ELAPOR1: variants seen among roughly 807,000 people sequenced by gnomAD.
ELAPOR1 encodes endosome/lysosome-associated apoptosis and autophagy regulator 1.
Under a neutral mutation model 119.7 loss-of-function variants are expected in ELAPOR1, and 77 were observed. The observed-to-expected ratio is 0.64, with a 90% CI of 0.54 to 0.78. The LOEUF (loss-of-function observed/expected upper bound fraction) is 0.78, where lower values mean the gene tolerates loss of function less well. Ranked by LOEUF, ELAPOR1 falls within the 30% of genes least tolerant of loss-of-function variation. The pLI, the probability that ELAPOR1 is intolerant of heterozygous loss-of-function variation, is 0.00. For synonymous variants in ELAPOR1, 481 were observed against 487.2 expected (o/e 0.99, Z 0.17); for missense variants, 1,115 against 1,270.4 (o/e 0.88, Z 1.86).
intron 8 of ELAPOR1, chr1:109,186,591 T>C (rs911604171): frequency 3.9e-5 from 38 of 985,354 alleles, no homozygotes; most frequent in Admixed American, 6.1e-5. Flanking sequence ...AGAGAATGGC[T>C]GTGTCTTGTC....
At chr1:109,151,398 G>T (rs956439967) in intron 1 of ELAPOR1, among the ~76,000 whole-genome samples, 1 of 152,140 alleles carries the variant, frequency 6.6e-6, no homozygotes, top group Non-Finnish European at 1.5e-5. Context: ...AATGGGAAAC[G>T]TCCTCTTCCC....
intron 1 of ELAPOR1, among the ~76,000 whole-genome samples, chr1:109,133,248 C>G (rs1228301442): frequency 6.6e-6 from 1 of 151,682 alleles, no homozygotes; most frequent in African/African-American, 2.4e-5. Context: ...AAAAGTACAA[C>G]TTAGAATGAC....
intron 1 of ELAPOR1, among the ~76,000 whole-genome samples, chr1:109,135,923 A>G (rs377653084): frequency 2.6e-5 from 4 of 152,234 alleles, no homozygotes; most frequent in South Asian, 2.1e-4. Flanking sequence ...TTCAAAGTCC[A>G]AGGACCATGA....
chr1:109,195,893 AC>A (rs1653765813), intron 15 of ELAPOR1, among the ~76,000 whole-genome samples: 1 of 152,234 alleles, frequency 6.6e-6, no homozygotes, highest in African/African-American at 2.4e-5. Context: ...ATGGTGGCTC[AC>A]GCCTGTAATC....
intron 1 of ELAPOR1, among the ~76,000 whole-genome samples, chr1:109,135,289 G>T (rs1296333409): frequency 4.6e-5 from 7 of 152,092 alleles, no homozygotes; most frequent in Non-Finnish European, 2.9e-5. Flanking sequence ...TGTCCCCGAG[G>T]CTAGAGTGAA....
intron 1 of ELAPOR1, among the ~76,000 whole-genome samples, chr1:109,125,883 C>G (rs1648747224): frequency 6.6e-6 from 1 of 152,018 alleles, no homozygotes; most frequent in Non-Finnish European, 1.5e-5. Context: ...CATAAAAATC[C>G]CCGTACATCA....
chr1:109,159,624 G>A (rs1216446973), intron 1 of ELAPOR1, among the ~76,000 whole-genome samples: 1 of 152,202 alleles, frequency 6.6e-6, no homozygotes, highest in East Asian at 1.9e-4. Flanking sequence ...CTATAAGGGT[G>A]GAGGAGGATT....
chr1:109,161,185 G>A (rs1180942173), intron 1 of ELAPOR1, among the ~76,000 whole-genome samples: 1 of 152,148 alleles, frequency 6.6e-6, no homozygotes, highest in Non-Finnish European at 1.5e-5. Context: ...GCCAAGGCAG[G>A]TGGATCACAA....
intron 1 of ELAPOR1, among the ~76,000 whole-genome samples, chr1:109,136,332 G>A (rs1455117819): frequency 6.6e-6 from 1 of 152,178 alleles, no homozygotes; most frequent in African/African-American, 2.4e-5. Flanking sequence ...CTGTGTGAGA[G>A]TTGGAGTTAT....
intron 7 of ELAPOR1, among the ~76,000 whole-genome samples, chr1:109,177,743 C>A (rs1652437840): frequency 6.6e-6 from 1 of 152,076 alleles, no homozygotes; most frequent in Non-Finnish European, 1.5e-5. Flanking sequence ...CTTCCCCACT[C>A]TGCTTCTATC....
chr1:109,184,734 A>G (rs1652941153), intron 7 of ELAPOR1, among the ~76,000 whole-genome samples: 1 of 152,036 alleles, frequency 6.6e-6, no homozygotes, highest in African/African-American at 2.4e-5. Flanking sequence ...GTTTCCGTCT[A>G]CCCTCCTTGC....
intron 3 of ELAPOR1, among the ~76,000 whole-genome samples, chr1:109,171,067 T>C (rs1209715769): frequency 6.6e-6 from 1 of 152,174 alleles, no homozygotes; most frequent in Non-Finnish European, 1.5e-5. Flanking sequence ...TTTGACAGCT[T>C]TAGAGTTTGG....
chr1:109,143,618 T>A (rs928202782), intron 1 of ELAPOR1, among the ~76,000 whole-genome samples: 4 of 152,200 alleles, frequency 2.6e-5, no homozygotes, highest in Admixed American at 2.6e-4. Context: ...AGCATACGAT[T>A]TTTATCTCAA....
chr1:109,131,924 G>A (rs1410606420), intron 1 of ELAPOR1, among the ~76,000 whole-genome samples: 2 of 152,138 alleles, frequency 1.3e-5, no homozygotes, highest in African/African-American at 4.8e-5. Flanking sequence ...ATGGAAGGGG[G>A]AGAAAAGGAA....
intron 1 of ELAPOR1, among the ~76,000 whole-genome samples, chr1:109,134,288 C>A (rs1046551335): frequency 2.0e-5 from 3 of 152,186 alleles, no homozygotes; most frequent in Admixed American, 2.0e-4. Context: ...CTCAATGGCA[C>A]TGCTTCCTCC....
At chr1:109,130,696 C>T (rs1179625712) in intron 1 of ELAPOR1, among the ~76,000 whole-genome samples, 3 of 152,014 alleles carry the variant, frequency 2.0e-5, no homozygotes, top group Non-Finnish European at 4.4e-5. Flanking sequence ...AAATCAGCTA[C>T]TCATGAGACA....
chr1:109,161,121 G>A (rs935907832), intron 1 of ELAPOR1, among the ~76,000 whole-genome samples: 3 of 152,134 alleles, frequency 2.0e-5, no homozygotes, highest in Non-Finnish European at 4.4e-5. Context: ...AAGAAACACA[G>A]GGAAATAGGG....
intron 1 of ELAPOR1, among the ~76,000 whole-genome samples, chr1:109,147,067 G>A (rs1185276972): frequency 8.4e-6 from 1 of 119,398 alleles, no homozygotes; most frequent in Non-Finnish European, 1.9e-5. Flanking sequence ...CACTACGCCT[G>A]GCTAATTTTT....
intron 1 of ELAPOR1, among the ~76,000 whole-genome samples, chr1:109,150,748 C>T (rs886599477): frequency 1.3e-5 from 2 of 152,164 alleles, no homozygotes; most frequent in South Asian, 2.1e-4. Flanking sequence ...CTCTCTACTT[C>T]CCCCTTCGAA....
Sources: allele counts gnomAD v4.1 joint callset (sites outside exome capture counted in the v4.1 genomes callset), GRCh38; gene constraint gnomAD v4.1.1; transcripts MANE v1.5; gene names NCBI Gene and HGNC (gene_info 2026-07-23, HGNC 2026-07-21).